MAP2: variants seen among roughly 807,000 people sequenced by gnomAD.
MAP2 encodes microtubule-associated protein 2.
A neutral mutation model predicts 137.6 loss-of-function variants in MAP2; 14 were observed. The observed-to-expected ratio is 0.10, with a 90% CI of 0.07 to 0.16. The LOEUF is 0.16. Among genes scored for constraint, MAP2 ranks in the 10% least tolerant of loss-of-function variants. MAP2 has a pLI of 1.00. For missense variants in MAP2, 2,088 were observed against 2,191.5 expected, an observed-to-expected ratio of 0.95 and a Z score of 0.94; for synonymous variants, 786 against 782.3, an observed-to-expected ratio of 1.00 and a Z score of -0.08.
chr2:209,681,538 G>T (rs568549666), intron 7 of MAP2, among the ~76,000 whole-genome samples: 50 of 152,130 alleles, frequency 3.3e-4, no homozygotes, highest in Admixed American at 5.9e-4. Flanking sequence ...GAGATGAAAG[G>T]CACTACTTAA....
rs1044910656 is a variant in MAP2, at chr2:209,593,940, T to G, written c.-107+13840T>G. Among the ~76,000 whole-genome samples, 10 of 132,370 alleles carry G rather than the reference T, an allele frequency of 7.6e-5. 1 individual carries two copies. The highest frequency in any genetic ancestry group is 2.6e-4 in the African/African-American group (9 of 35,236). 86.8% of individuals were successfully genotyped at this position (132,370 alleles called of 152,430 possible). Reference sequence around the variant, plus strand: ...TATATTATTAAAATATATAAATATATATTTATATATATATACACACACATA... The same window carrying G: ...TATATTATTAAAATATATAAATATAGATTTATATATATATACACACACATA... On this transcript the variant is annotated intron_variant, in intron 3 of 15. Coordinates refer to ENST00000682079, the MANE Select transcript of MAP2 (RefSeq NM_001375505.1).
At chr2:209,716,263 C>T (rs951689143) in intron 13 of MAP2, among the ~76,000 whole-genome samples, 1 of 152,054 alleles carries the variant, frequency 6.6e-6, no homozygotes, top group African/African-American at 2.4e-5. Flanking sequence ...CCATAATGTC[C>T]CATACATAGT....
At chr2:209,434,604 C>T (rs1170917244) in intron 1 of MAP2, among the ~76,000 whole-genome samples, 1 of 151,300 alleles carries the variant, frequency 6.6e-6, no homozygotes. Flanking sequence ...TTTTGGGAGT[C>T]TGAGGCAAGA....
chr2:209,634,065 A>G (rs2093342381), intron 4 of MAP2, among the ~76,000 whole-genome samples: 1 of 152,162 alleles, frequency 6.6e-6, no homozygotes, highest in African/African-American at 2.4e-5. Context: ...TGCTCCAGCC[A>G]CACCGGAGAA....
At position 209,695,572 on chromosome 2, in the gene MAP2, T is replaced by C; in HGVS notation, c.3402T>C (p.Ser1134=). 1.2e-6 allele frequency: 2 copies of C among 1,614,050 alleles called. No individual in the cohort carries two copies. Among genetic ancestry groups the C allele is most frequent in the Non-Finnish European group, 1.7e-6 (2 of 1,179,996 alleles). ...ACAAGGAGGAGTCCTATGAATCTAG[T>C]GGTGAGCATGAAAGTCTCACCATGG... The part of the protein sequence containing the change: ...AVDKEESYES[S]GEHESLTMES... The change falls in exon 8 of 16, where the codon AGT becomes AGC. Residue 1134 remains serine (S), a synonymous_variant. Transcript: ENST00000682079.
intron 2 of MAP2, among the ~76,000 whole-genome samples, chr2:209,523,587 T>A (rs955199129): frequency 1.3e-5 from 2 of 152,186 alleles, no homozygotes; most frequent in African/African-American, 4.8e-5. Context: ...GAGCTGCTGC[T>A]TCTCCACTGG....
At chr2:209,599,779 G>A (rs773007289) in intron 3 of MAP2, among the ~76,000 whole-genome samples, 25 of 151,900 alleles carry the variant, frequency 1.6e-4, no homozygotes, top group Non-Finnish European at 3.1e-4. Flanking sequence ...TAATAAGTCC[G>A]TACTTTGAAA....
intron 3 of MAP2, among the ~76,000 whole-genome samples, chr2:209,585,303 C>G (rs568826433): frequency 6.8e-6 from 1 of 146,696 alleles, no homozygotes; most frequent in South Asian, 2.1e-4. Context: ...TTATAGAAAA[C>G]AAAGTTAAAA....
intron 2 of MAP2, among the ~76,000 whole-genome samples, chr2:209,562,761 C>T (rs983074615): frequency 1.3e-5 from 2 of 151,928 alleles, no homozygotes; most frequent in African/African-American, 4.8e-5. Context: ...GAAACCAATG[C>T]CTCAAAAGCC....
intron 3 of MAP2, among the ~76,000 whole-genome samples, chr2:209,620,523 A>G (rs1212189568): frequency 1.3e-5 from 2 of 152,236 alleles, no homozygotes; most frequent in African/African-American, 4.8e-5. Flanking sequence ...ATTCTCTGAT[A>G]TTTTCAATTA....
chr2:209,628,329 C>T (rs999224779), intron 4 of MAP2, among the ~76,000 whole-genome samples: 2 of 152,144 alleles, frequency 1.3e-5, no homozygotes, highest in African/African-American at 4.8e-5. Flanking sequence ...ATTTTTCACA[C>T]AAAAACCTTA....
intron 2 of MAP2, among the ~76,000 whole-genome samples, chr2:209,561,343 T>A (rs1578271784): frequency 6.6e-6 from 1 of 152,220 alleles, no homozygotes; most frequent in East Asian, 1.9e-4. Flanking sequence ...CAAGAATTCC[T>A]CACTTTTCAA....
At chr2:209,529,952 A>G (rs888500221) in intron 2 of MAP2, among the ~76,000 whole-genome samples, 1 of 134,848 alleles carries the variant, frequency 7.4e-6, no homozygotes, top group African/African-American at 2.8e-5. Context: ...TTCTATGAGT[A>G]TTGAGAGCAG....
chr2:209,444,266 T>C (rs1000925999), intron 1 of MAP2, among the ~76,000 whole-genome samples: 6 of 151,620 alleles, frequency 4.0e-5, no homozygotes, highest in Non-Finnish European at 8.9e-5. Flanking sequence ...AAATTTGAAA[T>C]GTATGTGTCT....
chr2:209,531,277 T>C (rs769934899), intron 2 of MAP2, among the ~76,000 whole-genome samples: 4 of 152,214 alleles, frequency 2.6e-5, no homozygotes, highest in Admixed American at 6.5e-5. Context: ...TGTCCTCATG[T>C]TGTGGGCTTG....
chr2:209,462,394 A>G (rs915761708), intron 1 of MAP2, among the ~76,000 whole-genome samples: 12 of 152,224 alleles, frequency 7.9e-5, no homozygotes, highest in African/African-American at 1.2e-4. Flanking sequence ...GATTTAACAC[A>G]AGAAGAGTTA....
At chr2:209,518,414 C>T (rs2062819965) in intron 2 of MAP2, among the ~76,000 whole-genome samples, 2 of 151,782 alleles carry the variant, frequency 1.3e-5, no homozygotes, top group South Asian at 4.1e-4. Context: ...TTTATATAGC[C>T]ACAATAGAGA....
intron 5 of MAP2, among the ~76,000 whole-genome samples, chr2:209,677,438 A>ACAGG (rs1559536959): frequency 1.3e-5 from 2 of 148,544 alleles, no homozygotes; most frequent in Non-Finnish European, 2.9e-5. Flanking sequence ...AGACAGACAG[A>ACAGG]CAGATAGATG....
chr2:209,680,361 A>G (rs3820748), intron 6 of MAP2, among the ~76,000 whole-genome samples: 31,127 of 152,086 alleles, frequency 0.2, 4,790 homozygotes, highest in African/African-American at 0.44. Flanking sequence ...TTTTTCAGTC[A>G]GTAGCTGAAT....
Sources: allele counts gnomAD v4.1 joint callset (sites outside exome capture counted in the v4.1 genomes callset), GRCh38; gene constraint gnomAD v4.1.1; transcripts MANE v1.5; gene names NCBI Gene and HGNC (gene_info 2026-07-23, HGNC 2026-07-21).